Variants in LRRC4C observed in about 807,000 individuals in gnomAD.
The protein encoded by LRRC4C is leucine rich repeat containing 4C.
A neutral mutation model predicts 33.6 loss-of-function variants in LRRC4C; 5 were observed. The ratio of observed to expected loss-of-function variants is 0.15; its 90% CI spans 0.08 to 0.31. LRRC4C has a LOEUF of 0.31. LRRC4C is among the 10% of genes least tolerant of loss of function. LRRC4C has a pLI of 1.00. For missense variants in LRRC4C, 560 were observed against 796.7 expected (o/e 0.70, Z 3.58); for synonymous variants, 329 against 302.0 (o/e 1.09, Z -0.93).
At chr11:41,434,078 T>A (rs1359546586) in intron 1 of LRRC4C, among the ~76,000 whole-genome samples, 1 of 152,106 alleles carries the variant, frequency 6.6e-6, no homozygotes, top group African/African-American at 2.4e-5. Context: ...TCAGAATCAG[T>A]TAGACCTAGT....
chr11:40,555,547 G>T (rs1212906391), intron 3 of LRRC4C, among the ~76,000 whole-genome samples: 1 of 152,266 alleles, frequency 6.6e-6, no homozygotes, highest in South Asian at 2.1e-4. Flanking sequence ...AAGAATCAAA[G>T]AACATTTAGC....
chr11:40,180,531 G>A (rs777690030), intron 5 of LRRC4C, among the ~76,000 whole-genome samples: 4 of 152,268 alleles, frequency 2.6e-5, no homozygotes, highest in Middle Eastern at 3.4e-3. Context: ...CAAATCAATA[G>A]CACTGAGGGA....
chr11:41,137,073 C>T (rs1250234170), intron 1 of LRRC4C, among the ~76,000 whole-genome samples: 1 of 151,974 alleles, frequency 6.6e-6, no homozygotes, highest in Non-Finnish European at 1.5e-5. Context: ...CATGGCGAAA[C>T]CCTGACCCTA....
At chr11:40,124,589 G>A (rs1353942677) in intron 6 of LRRC4C, among the ~76,000 whole-genome samples, 1 of 152,180 alleles carries the variant, frequency 6.6e-6, no homozygotes, top group Non-Finnish European at 1.5e-5. Context: ...TCACTTATCT[G>A]TGAGAGCTAA....
intron 1 of LRRC4C, among the ~76,000 whole-genome samples, chr11:41,202,819 T>A (rs1946453454): frequency 6.6e-6 from 1 of 151,248 alleles, no homozygotes; most frequent in Non-Finnish European, 1.5e-5. Flanking sequence ...ACAGTCTCGC[T>A]CTTTCACCCA....
intron 1 of LRRC4C, among the ~76,000 whole-genome samples, chr11:40,975,746 G>A (rs1294623622): frequency 6.6e-6 from 1 of 152,182 alleles, no homozygotes; most frequent in Non-Finnish European, 1.5e-5. Flanking sequence ...AGCCAACTGA[G>A]AAGAAGTTAC....
chr11:41,057,064 A>C (rs1260025727), intron 1 of LRRC4C, among the ~76,000 whole-genome samples: 1 of 152,174 alleles, frequency 6.6e-6, no homozygotes, highest in African/African-American at 2.4e-5. Flanking sequence ...GCAAAGCTGC[A>C]GCTGCTCGAA....
At chr11:41,149,978 A>G (rs902623582) in intron 1 of LRRC4C, among the ~76,000 whole-genome samples, 10 of 152,154 alleles carry the variant, frequency 6.6e-5, no homozygotes, top group African/African-American at 2.4e-4. Context: ...GAAAAAATAC[A>G]TTTATCTGCG....
intron 1 of LRRC4C, among the ~76,000 whole-genome samples, chr11:41,457,441 C>A (rs1294089552): frequency 6.6e-6 from 1 of 152,146 alleles, no homozygotes; most frequent in Non-Finnish European, 1.5e-5. Context: ...GCCTCCAATA[C>A]CCTGCCATGA....
At chr11:41,032,726 GA>G (rs397966264) in intron 1 of LRRC4C, among the ~76,000 whole-genome samples, 77 of 150,740 alleles carry the variant, frequency 5.1e-4, no homozygotes, top group East Asian at 1.6e-3. Flanking sequence ...AAAAAAGGGG[GA>G]AAAAAAACAC....
intron 1 of LRRC4C, among the ~76,000 whole-genome samples, chr11:41,152,497 C>T (rs1205132565): frequency 6.6e-6 from 1 of 152,100 alleles, no homozygotes; most frequent in African/African-American, 2.4e-5. Flanking sequence ...CAGTGGGAGG[C>T]ATTAGTAACA....
At chr11:40,250,468 G>A (rs1866698620) in intron 4 of LRRC4C, among the ~76,000 whole-genome samples, 1 of 152,040 alleles carries the variant, frequency 6.6e-6, no homozygotes, top group Non-Finnish European at 1.5e-5. Flanking sequence ...AGCCTGGCAT[G>A]GTGGCTCATG....
chr11:40,646,031 G>GTT (rs57017910), intron 3 of LRRC4C, among the ~76,000 whole-genome samples: 68 of 141,628 alleles, frequency 4.8e-4, no homozygotes, highest in African/African-American at 1.3e-3. Context: ...ATTCCTCAGT[G>GTT]TTTTTTTTTT....
intron 1 of LRRC4C, among the ~76,000 whole-genome samples, chr11:41,432,551 C>A (rs765503384): frequency 8.6e-5 from 13 of 151,556 alleles, no homozygotes; most frequent in Non-Finnish European, 1.6e-4. Flanking sequence ...TCTCAAAAAA[C>A]AAGTGGTTTA....
chr11:41,284,315 C>A (rs1284908966), intron 1 of LRRC4C, among the ~76,000 whole-genome samples: 3 of 152,178 alleles, frequency 2.0e-5, no homozygotes, highest in Non-Finnish European at 4.4e-5. Context: ...AGAAAATGAG[C>A]ACACAAATGT....
Position 41,112,018 on chromosome 11 carries a change from A to G in LRRC4C, c.-495-178295T>C, listed in dbSNP as rs570547121. Among the ~76,000 whole-genome samples, 8 of 152,210 alleles carry G rather than the reference A, an allele frequency of 5.3e-5. 1 individual carries two copies. Among genetic ancestry groups the G allele is most frequent in the Admixed American group, 5.2e-4 (8 of 15,264 alleles). ...AGTGAGAGAGGATGTAAAAAGTATT[A>G]GAAATACTTTGCTTATTATCTCTGT... On this transcript the variant is annotated intron_variant, in intron 1 of 6. Coordinates refer to ENST00000528697, the MANE Select transcript of LRRC4C (RefSeq NM_001258419.2).
Position 40,197,747 on chromosome 11 carries a change from T to G in LRRC4C, c.-96+43772A>C, listed in dbSNP as rs948009007. 2.6e-5 allele frequency among the ~76,000 whole-genome samples: 4 copies of G among 152,194 alleles called. No individual in the cohort carries two copies. In the East Asian group the frequency reaches 7.7e-4, roughly 29 times the overall value. ...TATAATCTATTGCATTAGACTATGC[T>G]AGGAGAGTATGTTTTATCTCAACAA... On this transcript the variant is annotated intron_variant, in intron 5 of 6. Transcript: ENST00000528697.
chr11:40,386,722 A>C (rs1175521687), intron 3 of LRRC4C, among the ~76,000 whole-genome samples: 1 of 152,082 alleles, frequency 6.6e-6, no homozygotes, highest in Non-Finnish European at 1.5e-5. Context: ...CCAAAGTCTC[A>C]ATATAACACT....
intron 1 of LRRC4C, among the ~76,000 whole-genome samples, chr11:41,086,253 T>C (rs561868019): frequency 6.6e-6 from 1 of 152,312 alleles, no homozygotes; most frequent in Admixed American, 6.5e-5. Context: ...AAATCAAGGC[T>C]ATTTGCTTGG....
Sources: allele counts gnomAD v4.1 joint callset (sites outside exome capture counted in the v4.1 genomes callset), GRCh38; gene constraint gnomAD v4.1.1; transcripts MANE v1.5; gene names NCBI Gene and HGNC (gene_info 2026-07-23, HGNC 2026-07-21).